Variants in DACH2 observed in about 807,000 individuals in gnomAD.
DACH2 encodes dachshund family transcription factor 2, also known as dachshund homolog 2.
In DACH2, 17 loss-of-function variants were observed where a neutral mutation model predicts 35.8. That is an observed-to-expected ratio of 0.48 (90% CI 0.33 to 0.71). The LOEUF (loss-of-function observed/expected upper bound fraction) is 0.71, where lower values mean the gene tolerates loss of function less well. DACH2 is among the 30% of genes least tolerant of loss of function. DACH2 has a pLI of 0.02. For synonymous variants in DACH2, 195 were observed against 177.3 expected (o/e 1.10, Z -0.79); for missense variants, 469 against 472.7 (o/e 0.99, Z 0.07).
chrX:86,357,367 T>C (rs2035660349), intron 1 of DACH2, among the ~76,000 whole-genome samples: 1 of 112,332 alleles, frequency 8.9e-6, no homozygotes, highest in African/African-American at 3.2e-5. Flanking sequence ...TGTGTTTTAG[T>C]TTTAGGGACT....
chrX:86,177,283 A>G (rs1181069574), intron 1 of DACH2, among the ~76,000 whole-genome samples: 1 of 112,071 alleles, frequency 8.9e-6, no homozygotes, highest in African/African-American at 3.2e-5. Context: ...TTACTCATAG[A>G]TGCTTCATAA....
intron 7 of DACH2, among the ~76,000 whole-genome samples, chrX:86,791,038 T>C (rs2042182472): frequency 8.9e-6 from 1 of 111,779 alleles, no homozygotes; most frequent in African/African-American, 3.3e-5. Flanking sequence ...AGGATATATT[T>C]TCTGTTTATT....
rs771774649 is a variant in DACH2, at chrX:86,752,395, T to G, written c.1240+12513T>G. Reference sequence around the variant, plus strand: ...CATATATCTATTGGCCATTTTTATGTCTGTTTTGGAGAAATAAATAAATAG... The same window carrying G: ...CATATATCTATTGGCCATTTTTATGGCTGTTTTGGAGAAATAAATAAATAG... On this transcript the variant is annotated intron_variant, in intron 7 of 11. Transcript: ENST00000373125. Among the ~76,000 whole-genome samples the G allele has an allele frequency of 6.3e-5, 7 of 111,602 alleles. No individual in the cohort carries two copies. The South Asian group carries it at 2.6e-3, about 42-fold the overall frequency.
Position 86,814,826 on chromosome X carries a change from T to G in DACH2, c.1676T>G (p.Met559Arg), listed in dbSNP as rs772435792. 3 of 1,205,728 alleles carry G rather than the reference T, an allele frequency of 2.5e-6. No individual in the cohort carries two copies. Among genetic ancestry groups the G allele is most frequent in the Non-Finnish European group, 3.4e-6 (3 of 892,906 alleles). ...QATTSDSGLR[M>R]LKDTGIPDIE... Reference sequence around the variant, plus strand: ...ACCACTAGTGACAGTGGCCTGAGGATGTTAAAAGGTAATGTCTGATTTGGA... The same window carrying G: ...ACCACTAGTGACAGTGGCCTGAGGAGGTTAAAAGGTAATGTCTGATTTGGA... The change falls in exon 10 of 12, where the codon ATG becomes AGG. Residue 559 changes from methionine (M) to arginine (R), a missense_variant. By Grantham distance (91) the Met-to-Arg change is moderately conservative (BLOSUM62 -1). Coordinates refer to ENST00000373125, the MANE Select transcript of DACH2 (RefSeq NM_053281.3).
Position 86,496,148 on chromosome X carries a change from C to T in DACH2, c.528-18131C>T, listed in dbSNP as rs747562140. 7.2e-5 allele frequency among the ~76,000 whole-genome samples: 8 copies of T among 111,073 alleles called. No homozygotes were observed. In the South Asian group the frequency reaches 3.0e-3, roughly 42 times the overall value. On this transcript the variant is annotated intron_variant, in intron 2 of 11. Transcript: ENST00000373125. ...ATATTTTGTTTATAACTATTATTAT[C>T]ATTGATTTTTAAAATGAAAAACAAT...
At chrX:86,482,606 C>T (rs1046015672) in intron 2 of DACH2, among the ~76,000 whole-genome samples, 11 of 108,220 alleles carry the variant, frequency 1.0e-4, no homozygotes, top group African/African-American at 3.4e-5. Context: ...CCTGAGGAAT[C>T]GCCACACTGA....
chrX:86,781,379 T>C (rs892019765), intron 7 of DACH2, among the ~76,000 whole-genome samples: 1 of 111,669 alleles, frequency 9.0e-6, no homozygotes, highest in Non-Finnish European at 1.9e-5. Flanking sequence ...TGGTTCTCCA[T>C]ATATGGTCAA....
chrX:86,525,576 A>T (rs762729765), intron 3 of DACH2, among the ~76,000 whole-genome samples: 75 of 111,609 alleles, frequency 6.7e-4, no homozygotes, highest in Middle Eastern at 4.6e-3. Context: ...TCCTGAGTGA[A>T]TTACTTTGAT....
intron 3 of DACH2, among the ~76,000 whole-genome samples, chrX:86,538,302 G>T (rs1284916341): frequency 9.0e-6 from 1 of 110,790 alleles, no homozygotes; most frequent in Non-Finnish European, 1.9e-5. Context: ...CTTTTCTTTT[G>T]AGCCCTCACC....
At chrX:86,411,121 G>A (rs1478804090) in intron 2 of DACH2, among the ~76,000 whole-genome samples, 1 of 100,691 alleles carries the variant, frequency 9.9e-6, no homozygotes, top group Non-Finnish European at 2.0e-5. Flanking sequence ...AAGCTGCTGA[G>A]CAAGGAGAGC....
chrX:86,791,739 A>G (rs991781283), intron 7 of DACH2, among the ~76,000 whole-genome samples: 2 of 111,891 alleles, frequency 1.8e-5, no homozygotes, highest in Non-Finnish European at 3.8e-5. Flanking sequence ...GCAAAATGAT[A>G]GCCTCTGCAG....
intron 6 of DACH2, among the ~76,000 whole-genome samples, chrX:86,733,266 TTA>T: frequency 9.0e-6 from 1 of 111,600 alleles, no homozygotes; most frequent in Non-Finnish European, 1.9e-5. Context: ...TAAACTATTA[TTA>T]GTAATACAGA....
intron 2 of DACH2, among the ~76,000 whole-genome samples, chrX:86,382,184 G>C (rs1296517180): frequency 1.8e-5 from 2 of 108,757 alleles, no homozygotes; most frequent in African/African-American, 3.3e-5. Flanking sequence ...AATAGCCTCA[G>C]GAGGTCCTGA....
intron 2 of DACH2, among the ~76,000 whole-genome samples, chrX:86,502,952 G>T (rs888298722): frequency 9.0e-6 from 1 of 111,571 alleles, no homozygotes; most frequent in African/African-American, 3.3e-5. Context: ...GAAGCCAAAA[G>T]ATTGGACACC....
At position 86,617,442 on chromosome X, in the gene DACH2, C is replaced by T. The variant is rs986551617; in HGVS notation, c.641-33594C>T. Among the ~76,000 whole-genome samples the T allele has an allele frequency of 8.1e-5, 9 of 111,328 alleles. 1 individual carries two copies. In the Middle Eastern group the frequency reaches 0.014, roughly 173 times the overall value. On this transcript the variant is annotated intron_variant, in intron 3 of 11. Transcript: ENST00000373125. Reference sequence around the variant, plus strand: ...GTTTTTCCATTTGTTTGTGTCTTCTCTGATTTATTTTAGCAGTGTTTTGTA... The same window carrying T: ...GTTTTTCCATTTGTTTGTGTCTTCTTTGATTTATTTTAGCAGTGTTTTGTA...
intron 2 of DACH2, among the ~76,000 whole-genome samples, chrX:86,427,237 G>A (rs943300635): frequency 5.4e-5 from 6 of 110,975 alleles, no homozygotes; most frequent in Non-Finnish European, 9.5e-5. Flanking sequence ...CCTCTTAATT[G>A]GGTCACAAAG....
At chrX:86,758,099 G>A (rs1378371504) in intron 7 of DACH2, among the ~76,000 whole-genome samples, 1 of 111,550 alleles carries the variant, frequency 9.0e-6, no homozygotes, top group Non-Finnish European at 1.9e-5. Flanking sequence ...CATTCTTAAT[G>A]TTAATATGTC....
chrX:86,665,903 C>T (rs2040662938), intron 4 of DACH2, among the ~76,000 whole-genome samples: 1 of 111,508 alleles, frequency 9.0e-6, no homozygotes, highest in Non-Finnish European at 1.9e-5. Context: ...GATGTGCATA[C>T]TTCGACATAT....
At chrX:86,154,187 G>A (rs1382288240) in intron 1 of DACH2, among the ~76,000 whole-genome samples, 1 of 111,223 alleles carries the variant, frequency 9.0e-6, no homozygotes, top group African/African-American at 3.3e-5. Flanking sequence ...ATCACAACAT[G>A]TTATATTTCA....
Sources: allele counts gnomAD v4.1 joint callset (sites outside exome capture counted in the v4.1 genomes callset), GRCh38; gene constraint gnomAD v4.1.1; transcripts MANE v1.5; gene names NCBI Gene and HGNC (gene_info 2026-07-23, HGNC 2026-07-21).